Variants in NSMCE2 observed in about 807,000 individuals in gnomAD.
NSMCE2 encodes the protein NSE2 SUMO ligase component of SMC5/6 complex, also known as E3 SUMO-protein ligase NSE2.
Under a neutral mutation model 23.8 loss-of-function variants are expected in NSMCE2, and 24 were observed. That is an observed-to-expected ratio of 1.01 (90% confidence interval 0.73 to 1.42). NSMCE2 has a LOEUF of 1.42. Among genes scored for constraint, NSMCE2 ranks in the 40% most tolerant of loss-of-function variants. The probability of loss-of-function intolerance (pLI) is 0.00; values close to 1 mark genes in which losing one functional copy is unlikely to be tolerated. For missense variants in NSMCE2, 284 were observed against 296.5 expected (o/e 0.96, Z 0.31); for synonymous variants, 92 against 94.1 (o/e 0.98, Z 0.13).
At chr8:125,309,530 C>G (rs769072127) in intron 5 of NSMCE2, among the ~76,000 whole-genome samples, 2 of 152,052 alleles carry the variant, frequency 1.3e-5, no homozygotes, top group African/African-American at 4.8e-5. Flanking sequence ...TGAGAGCAAG[C>G]TGGACAACAT....
chr8:125,326,710 C>A (rs1829677218), intron 5 of NSMCE2, among the ~76,000 whole-genome samples: 3 of 152,190 alleles, frequency 2.0e-5, no homozygotes. Context: ...AATCCCAGCA[C>A]TTTGGGAGGC....
intron 5 of NSMCE2, among the ~76,000 whole-genome samples, chr8:125,258,863 T>G (rs1218962439): frequency 6.6e-6 from 1 of 152,234 alleles, no homozygotes; most frequent in Non-Finnish European, 1.5e-5. Context: ...GTCACACAAC[T>G]GACCAGTGGT....
At chr8:125,347,454 C>T (rs1812821926) in intron 5 of NSMCE2, among the ~76,000 whole-genome samples, 1 of 152,176 alleles carries the variant, frequency 6.6e-6, no homozygotes, top group African/African-American at 2.4e-5. Context: ...TTTCACTGAT[C>T]ACACAGGATA....
At chr8:125,339,396 A>G (rs1830163797) in intron 5 of NSMCE2, among the ~76,000 whole-genome samples, 1 of 152,172 alleles carries the variant, frequency 6.6e-6, no homozygotes, top group Non-Finnish European at 1.5e-5. Context: ...TGGTGTATGC[A>G]GAACCTACCA....
intron 3 of NSMCE2, among the ~76,000 whole-genome samples, chr8:125,107,638 T>A (rs1278825966): frequency 2.0e-5 from 3 of 152,172 alleles, no homozygotes; most frequent in Non-Finnish European, 4.4e-5. Flanking sequence ...CACAATTGCT[T>A]TTGCACCATT....
At chr8:125,286,279 C>A (rs190474933) in intron 5 of NSMCE2, among the ~76,000 whole-genome samples, 84 of 152,104 alleles carry the variant, frequency 5.5e-4, no homozygotes, top group Admixed American at 5.3e-3. Flanking sequence ...CCAGATTTGC[C>A]CAATATTCAG....
intron 4 of NSMCE2, among the ~76,000 whole-genome samples, chr8:125,153,780 C>T (rs1003342978): frequency 9.9e-5 from 15 of 152,168 alleles, no homozygotes; most frequent in Admixed American, 9.2e-4. Flanking sequence ...AATGCTTTGG[C>T]ATTCATCAAA....
chr8:125,365,788 C>T (rs1157021944), intron 7 of NSMCE2, among the ~76,000 whole-genome samples: 6 of 152,102 alleles, frequency 3.9e-5, no homozygotes, highest in Admixed American at 3.9e-4. Flanking sequence ...ACCCAGGAGG[C>T]GGAAGTTGCA....
chr8:125,342,286 A>T (rs968688703), intron 5 of NSMCE2, among the ~76,000 whole-genome samples: 1 of 152,256 alleles, frequency 6.6e-6, no homozygotes, highest in African/African-American at 2.4e-5. Flanking sequence ...GGAAAAGAGT[A>T]AATGTTCCAT....
At chr8:125,285,578 A>G (rs4464986) in intron 5 of NSMCE2, among the ~76,000 whole-genome samples, 129,839 of 152,138 alleles carry the variant, frequency 0.85, 55,389 homozygotes, top group Middle Eastern at 0.9. Context: ...TTAAACATGT[A>G]CATTTAGGTA....
chr8:125,293,351 T>G (rs1828190729), intron 5 of NSMCE2, among the ~76,000 whole-genome samples: 1 of 152,200 alleles, frequency 6.6e-6, no homozygotes, highest in Non-Finnish European at 1.5e-5. Flanking sequence ...TGACGAAAAT[T>G]TGAAGGACAT....
chr8:125,158,663 A>G (rs1436392971), intron 4 of NSMCE2, among the ~76,000 whole-genome samples: 2 of 152,328 alleles, frequency 1.3e-5, no homozygotes, highest in Non-Finnish European at 1.5e-5. Context: ...GACATTGTAG[A>G]TAGTCCACAT....
intron 5 of NSMCE2, among the ~76,000 whole-genome samples, chr8:125,295,159 A>G (rs1828272535): frequency 6.6e-6 from 1 of 152,186 alleles, no homozygotes; most frequent in South Asian, 2.1e-4. Context: ...GTTTCCAGTA[A>G]AAGCACTGTG....
At chr8:125,348,485 T>G (rs200111566) in intron 5 of NSMCE2, 1 of 152,112 alleles carries the variant, frequency 6.6e-6, no homozygotes, top group Non-Finnish European at 1.5e-5. Flanking sequence ...CCAGGGAGCA[T>G]TGGAACTTAT....
intron 5 of NSMCE2, among the ~76,000 whole-genome samples, chr8:125,341,479 C>T (rs752246000): frequency 7.2e-5 from 11 of 152,134 alleles, no homozygotes; most frequent in African/African-American, 9.7e-5. Context: ...TTTGAAAATG[C>T]GAAGCAAGAT....
chr8:125,266,175 T>G (rs1826909715), intron 5 of NSMCE2, among the ~76,000 whole-genome samples: 1 of 146,710 alleles, frequency 6.8e-6, no homozygotes, highest in African/African-American at 2.5e-5. Context: ...CACCGCAACC[T>G]CCGCCTCCCA....
At chr8:125,252,648 T>C (rs1412154005) in intron 5 of NSMCE2, among the ~76,000 whole-genome samples, 1 of 152,258 alleles carries the variant, frequency 6.6e-6, no homozygotes, top group Non-Finnish European at 1.5e-5. Flanking sequence ...GTACACAAAT[T>C]AGTAGTACAT....
chr8:125,152,944 A>G (rs1330321161), intron 4 of NSMCE2, among the ~76,000 whole-genome samples: 1 of 150,912 alleles, frequency 6.6e-6, no homozygotes, highest in African/African-American at 2.4e-5. Flanking sequence ...GTAATCCCAG[A>G]TACTCAGGAG....
intron 5 of NSMCE2, among the ~76,000 whole-genome samples, chr8:125,231,075 C>T (rs948324636): frequency 2.6e-5 from 4 of 152,296 alleles, no homozygotes; most frequent in Non-Finnish European, 5.9e-5. Flanking sequence ...TGGTTTCTTA[C>T]TGGCAAGCCT....
Sources: gnomAD v4.1 joint callset for allele counts (sites outside exome capture counted in the v4.1 genomes callset) on GRCh38, gnomAD v4.1.1 for gene constraint, MANE v1.5 for transcripts, NCBI Gene and HGNC (gene_info 2026-07-23, HGNC 2026-07-21) for gene names.